Variants in GSK3B observed in about 807,000 individuals in gnomAD.
GSK3B encodes the protein glycogen synthase kinase 3 beta.
GSK3B carries 15 observed loss-of-function variants against 56.4 expected under a neutral mutation model. The ratio of observed to expected loss-of-function variants is 0.27; its 90% CI spans 0.18 to 0.41. GSK3B has a LOEUF of 0.41. GSK3B is among the 10% of genes least tolerant of loss of function. GSK3B has a pLI of 1.00. For missense variants in GSK3B, 300 were observed against 513.4 expected (o/e 0.58, Z 4.02); for synonymous variants, 181 against 188.9 (o/e 0.96, Z 0.34).
intron 1 of GSK3B, among the ~76,000 whole-genome samples, chr3:120,011,211 C>T (rs1322508212): frequency 2.0e-5 from 3 of 152,300 alleles, no homozygotes; most frequent in African/African-American, 7.2e-5. Flanking sequence ...GGAGCCCCAC[C>T]TTTGTATTTT....
chr3:120,045,692 T>G (rs1049956466), intron 1 of GSK3B, among the ~76,000 whole-genome samples: 1 of 152,300 alleles, frequency 6.6e-6, no homozygotes, highest in East Asian at 1.9e-4. Flanking sequence ...ATAAACTGCC[T>G]TGCTAAGAAA....
At chr3:119,951,396 A>G (rs1312757094) in intron 2 of GSK3B, among the ~76,000 whole-genome samples, 1 of 152,164 alleles carries the variant, frequency 6.6e-6, no homozygotes, top group African/African-American at 2.4e-5. Context: ...GCATGGTGAA[A>G]CCCAGTCTCT....
chr3:119,826,537 C>T lies in GSK3B; in HGVS notation c.*251G>A, dbSNP rs574103832. 1.8e-5 allele frequency: 11 copies of T among 598,134 alleles called. No individual in the cohort carries two copies. Among genetic ancestry groups the T allele is most frequent in the South Asian group, 7.4e-5 (4 of 53,924 alleles). 37.1% of individuals were successfully genotyped at this position (598,134 alleles called of 1,614,324 possible). A position where few individuals can be genotyped will look rare whatever the true frequency, so the allele number is the denominator to read the frequency against. The stretch of plus-strand genomic sequence containing the variant: ...AGAGAGATTGTATGTTCTAGTGCTC[C>T]GCTTTCCCCCTCCCCACAACCCCTC... On this transcript the variant is annotated 3_prime_UTR_variant, in exon 11 of 11. Transcript: ENST00000264235.
At chr3:120,068,390 CA>C (rs66541739) in intron 1 of GSK3B, among the ~76,000 whole-genome samples, 2,412 of 51,626 alleles carry the variant, frequency 0.047, 16 homozygotes, top group Non-Finnish European at 0.054. Flanking sequence ...GACTCCGTCT[CA>C]AAAAAAAAAA....
rs970934079 is a variant in GSK3B, at chr3:119,822,497, T to C, written c.*4291A>G. ...TTTGTCAAGCTAACCCCTTATGTAC[T>C]GGTTGTCATTTTGCTTTTATTGCAG... On this transcript the variant is annotated 3_prime_UTR_variant, in exon 11 of 11. Coordinates refer to ENST00000264235, the MANE Select transcript of GSK3B (RefSeq NM_001146156.2). 1.9e-4 allele frequency: 43 copies of C among 226,072 alleles called. No individual in the cohort carries two copies. Among genetic ancestry groups the C allele is most frequent in the Non-Finnish European group, 7.9e-5 (9 of 113,646 alleles). The allele number at this position is 226,072 out of a possible 1,614,324, so 14.0% of individuals were successfully genotyped here.
intron 3 of GSK3B, among the ~76,000 whole-genome samples, chr3:119,945,130 G>C (rs373811286): frequency 2.6e-5 from 4 of 152,258 alleles, no homozygotes; most frequent in South Asian, 2.1e-4. Context: ...TTCTCTCTTT[G>C]GTGGCTGGGA....
chr3:119,829,653 C>T (rs979212561), intron 10 of GSK3B, among the ~76,000 whole-genome samples: 6 of 152,252 alleles, frequency 3.9e-5, no homozygotes, highest in Admixed American at 6.5e-5. Context: ...TCACTGACTA[C>T]AGCCTGTGAG....
intron 3 of GSK3B, among the ~76,000 whole-genome samples, chr3:119,946,086 A>G (rs79349360): frequency 4.4e-5 from 6 of 135,936 alleles, no homozygotes; most frequent in Admixed American, 2.2e-4. Context: ...ATTTAAACTG[A>G]AAAAAAAAAA....
intron 8 of GSK3B, among the ~76,000 whole-genome samples, chr3:119,874,959 G>A (rs2056293699): frequency 1.3e-5 from 2 of 152,014 alleles, no homozygotes; most frequent in African/African-American, 2.4e-5. Context: ...TAGGCCACCT[G>A]AGATCTTCTG....
chr3:119,934,998 T>C (rs1463880563), intron 3 of GSK3B, among the ~76,000 whole-genome samples: 1 of 152,108 alleles, frequency 6.6e-6, no homozygotes, highest in Non-Finnish European at 1.5e-5. Context: ...AGATGACAAC[T>C]GATATTCAAA....
intron 1 of GSK3B, among the ~76,000 whole-genome samples, chr3:120,082,385 CTTTTTTTTTTT>C (rs1173737285): frequency 0.16 from 10,457 of 66,342 alleles, 409 homozygotes; most frequent in Middle Eastern, 0.3. Flanking sequence ...TTAGTATGTT[CTTTTTTTTTTT>C]TTTTTTTTTT....
At chr3:119,875,785 GA>G (rs895498680) in intron 8 of GSK3B, among the ~76,000 whole-genome samples, 16 of 146,882 alleles carry the variant, frequency 1.1e-4, no homozygotes, top group African/African-American at 3.3e-4. Flanking sequence ...AATACCAAAG[GA>G]AAAAAAAAAG....
chr3:120,000,411 C>G (rs1411472555), intron 2 of GSK3B, among the ~76,000 whole-genome samples: 1 of 152,132 alleles, frequency 6.6e-6, no homozygotes, highest in African/African-American at 2.4e-5. Context: ...GAGGTGAGAA[C>G]TGAAAACAAA....
chr3:120,036,030 G>A (rs1284541946), intron 1 of GSK3B, among the ~76,000 whole-genome samples: 7 of 152,154 alleles, frequency 4.6e-5, no homozygotes, highest in African/African-American at 1.7e-4. Flanking sequence ...GGCAGCAGAG[G>A]ACACCCTTAT....
chr3:120,062,526 A>G (rs2058246306), intron 1 of GSK3B, among the ~76,000 whole-genome samples: 1 of 152,242 alleles, frequency 6.6e-6, no homozygotes, highest in Non-Finnish European at 1.5e-5. Flanking sequence ...AAGAACAGAT[A>G]CTTAAGAATT....
At chr3:119,963,196 C>T (rs1001514549) in intron 2 of GSK3B, among the ~76,000 whole-genome samples, 3 of 152,022 alleles carry the variant, frequency 2.0e-5, no homozygotes, top group African/African-American at 7.3e-5. Context: ...GAAATTAAGG[C>T]AGATACAAAT....
intron 1 of GSK3B, among the ~76,000 whole-genome samples, chr3:120,083,950 T>C (rs9862099): frequency 0.018 from 2,777 of 152,280 alleles, 93 homozygotes; most frequent in African/African-American, 0.064. Context: ...GAGAGTAAAT[T>C]AGTGGTTGCC....
At chr3:119,916,622 G>A (rs192936801) in intron 4 of GSK3B, among the ~76,000 whole-genome samples, 32 of 152,258 alleles carry the variant, frequency 2.1e-4, no homozygotes, top group South Asian at 2.1e-3. Flanking sequence ...GCTGCTGAAT[G>A]TAAACGTATT....
In GSK3B at chr3:119,869,621, A is replaced by C. The variant is rs575045370; in HGVS notation, c.910-6016T>G. ...GCCTTATCGAGTTTTCCCAAGTTCT[A>C]CTATAGGTAAGAAAAGTTATACAGT... On this transcript the variant is annotated intron_variant, in intron 8 of 10. Coordinates refer to ENST00000264235, the MANE Select transcript of GSK3B (RefSeq NM_001146156.2). Among the ~76,000 whole-genome samples the C allele has an allele frequency of 7.2e-5, 11 of 152,338 alleles. 1 individual carries two copies. In the East Asian group the frequency reaches 1.9e-3, roughly 27 times the overall value.
Sources: allele counts gnomAD v4.1 joint callset (sites outside exome capture counted in the v4.1 genomes callset), GRCh38; gene constraint gnomAD v4.1.1; transcripts MANE v1.5; gene names NCBI Gene and HGNC (gene_info 2026-07-23, HGNC 2026-07-21).